Variants in MAPK10 observed in about 807,000 individuals in gnomAD.
The protein encoded by MAPK10 is JNK3 alpha protein kinase.
A neutral mutation model predicts 59.3 loss-of-function variants in MAPK10; 25 were observed. The ratio of observed to expected loss-of-function variants is 0.42; its 90% CI spans 0.31 to 0.59. The LOEUF is 0.59. Among genes scored for constraint, MAPK10 ranks in the 20% least tolerant of loss-of-function variants. MAPK10 has a pLI of 0.15. For missense variants in MAPK10, 351 were observed against 568.9 expected, an observed-to-expected ratio of 0.62 and a Z score of 3.90; for synonymous variants, 190 against 200.5, an observed-to-expected ratio of 0.95 and a Z score of 0.44.
intron 9 of MAPK10, among the ~76,000 whole-genome samples, chr4:86,086,026 G>A (rs2051743589): frequency 6.6e-6 from 1 of 152,142 alleles, no homozygotes; most frequent in Non-Finnish European, 1.5e-5. Context: ...GGGGAGCTGG[G>A]TGGGTGGAGG....
chr4:86,031,226 GTTTTAGGAGC>G, intron 12 of MAPK10, 132 bp downstream of exon 12: 1 of 641,142 alleles, frequency 1.6e-6, no homozygotes, highest in Non-Finnish European at 2.7e-6. Context: ...GACAGATGAA[GTTTTAGGAGC>G]TTTAAAAATG....
At chr4:86,137,241 G>A (rs144093597) in intron 4 of MAPK10, among the ~76,000 whole-genome samples, 1,654 of 151,586 alleles carry the variant, frequency 0.011, 30 homozygotes, top group African/African-American at 0.038. Flanking sequence ...CATTTTTTCA[G>A]CACCACACCA....
In MAPK10 at chr4:86,530,536, T is replaced by A. The variant is rs550743313; in HGVS notation, c.-263+63374A>T. Among the ~76,000 whole-genome samples, 52 of 152,280 alleles carry A rather than the reference T, an allele frequency of 3.4e-4. 1 individual carries two copies. Among genetic ancestry groups the A allele is most frequent in the African/African-American group, 1.2e-3 (50 of 41,558 alleles). ...CTGGGTGGCTTAAAAACAACCGAAA[T>A]TTATTTCTGACAGATCTGGAGGCTG... On this transcript the variant is annotated intron_variant, in intron 1 of 4. Coordinates refer to the MAPK10 transcript ENST00000502302.
chr4:86,464,286 G>A (rs1363733697), intron 1 of MAPK10, among the ~76,000 whole-genome samples: 1 of 152,168 alleles, frequency 6.6e-6, no homozygotes, highest in African/African-American at 2.4e-5. Context: ...TTTTACAGAT[G>A]GGTCTAGTAA....
At chr4:86,064,631 G>C (rs1467367579) in intron 10 of MAPK10, 1 of 461,536 alleles carries the variant, frequency 2.2e-6, no homozygotes, top group African/African-American at 2.0e-5. Context: ...AATTATTCAC[G>C]CAAACTTCTT....
chr4:86,556,452 CAT>C (rs1466219901), intron 1 of MAPK10, among the ~76,000 whole-genome samples: 2 of 152,060 alleles, frequency 1.3e-5, no homozygotes, highest in Admixed American at 1.3e-4. Context: ...AAATATAACA[CAT>C]GTGCACCTAA....
chr4:86,109,603 T>C (rs553760823), intron 4 of MAPK10, among the ~76,000 whole-genome samples: 3 of 152,362 alleles, frequency 2.0e-5, no homozygotes, highest in Admixed American at 2.0e-4. Flanking sequence ...TCATGATGCA[T>C]ATGTACCACA....
At chr4:86,424,587 C>T (rs1342716718) in intron 1 of MAPK10, among the ~76,000 whole-genome samples, 1 of 152,122 alleles carries the variant, frequency 6.6e-6, no homozygotes, top group African/African-American at 2.4e-5. Context: ...CATAGTTAGG[C>T]TGGCTGCCTG....
At chr4:86,128,005 G>T (rs1263716204) in intron 4 of MAPK10, among the ~76,000 whole-genome samples, 1 of 151,920 alleles carries the variant, frequency 6.6e-6, no homozygotes, top group African/African-American at 2.4e-5. Flanking sequence ...TAGGCACTGG[G>T]ATTAGATTTC....
chr4:86,048,176 T>A (rs79389674), intron 11 of MAPK10, among the ~76,000 whole-genome samples: 110 of 152,192 alleles, frequency 7.2e-4, no homozygotes, highest in African/African-American at 2.5e-3. Context: ...CCATACACTA[T>A]GCACCTGCCA....
At chr4:86,381,456 A>G (rs774209360) in intron 1 of MAPK10, among the ~76,000 whole-genome samples, 19 of 152,240 alleles carry the variant, frequency 1.2e-4, no homozygotes, top group Admixed American at 4.6e-4. Flanking sequence ...TTACCCTCAG[A>G]TCCATCCTTG....
At chr4:86,304,148 A>G (rs1160168813) in intron 2 of MAPK10, among the ~76,000 whole-genome samples, 1 of 152,198 alleles carries the variant, frequency 6.6e-6, no homozygotes, top group African/African-American at 2.4e-5. Context: ...GGAGGAAAGG[A>G]AAGTCAATAA....
chr4:86,100,053 G>A (rs2055047605), intron 8 of MAPK10: 1 of 151,930 alleles, frequency 6.6e-6, no homozygotes, highest in Admixed American at 6.6e-5. Flanking sequence ...TCAGTGGCCA[G>A]GGAATTTTCA....
chr4:86,556,203 C>G (rs1417891380), intron 1 of MAPK10, among the ~76,000 whole-genome samples: 2 of 152,106 alleles, frequency 1.3e-5, no homozygotes, highest in African/African-American at 4.8e-5. Context: ...TTTAATGGAA[C>G]CTGTTCTGTA....
intron 2 of MAPK10, among the ~76,000 whole-genome samples, chr4:86,329,645 G>A (rs115817864): frequency 0.012 from 1,870 of 152,222 alleles, 39 homozygotes; most frequent in African/African-American, 0.042. Context: ...TTATCACCTT[G>A]TTCTCCACTG....
At chr4:86,136,150 G>A (rs1403739142) in intron 4 of MAPK10, among the ~76,000 whole-genome samples, 1 of 152,096 alleles carries the variant, frequency 6.6e-6, no homozygotes, top group Non-Finnish European at 1.5e-5. Context: ...GTCTAGCAAG[G>A]CAGGCCAACG....
Position 86,536,730 on chromosome 4 carries a change from T to C in MAPK10, c.-263+57180A>G, listed in dbSNP as rs1332039250. ...TTACATGGAAATATAAAGAATTATT[T>C]AGTAAATGATGATTTGATATAAGTA... On this transcript the variant is annotated intron_variant, in intron 1 of 4. Coordinates refer to the MAPK10 transcript ENST00000502302. Among the ~76,000 whole-genome samples the C allele has an allele frequency of 2.0e-5, 3 of 152,230 alleles. 1 individual carries two copies. Among genetic ancestry groups the C allele is most frequent in the African/African-American group, 7.2e-5 (3 of 41,454 alleles).
intron 9 of MAPK10, among the ~76,000 whole-genome samples, chr4:86,092,307 C>A (rs1357673510): frequency 6.6e-6 from 1 of 151,974 alleles, no homozygotes; most frequent in Non-Finnish European, 1.5e-5. Context: ...ATATTTATAT[C>A]TATGCTACCA....
intron 4 of MAPK10, among the ~76,000 whole-genome samples, chr4:86,146,376 G>A (rs1232396728): frequency 7.9e-5 from 12 of 152,222 alleles, no homozygotes; most frequent in South Asian, 6.2e-4. Flanking sequence ...ACAAGGTTAT[G>A]TAGAAGCTGG....
Sources: allele counts gnomAD v4.1 joint callset (sites outside exome capture counted in the v4.1 genomes callset), GRCh38; gene constraint gnomAD v4.1.1; transcripts MANE v1.5; gene names NCBI Gene and HGNC (gene_info 2026-07-23, HGNC 2026-07-21).